Variants in ACTR2 observed in about 807,000 individuals in gnomAD.
The protein encoded by ACTR2 is actin-related protein 2.
Under a neutral mutation model 50.2 loss-of-function variants are expected in ACTR2, and 5 were observed. The observed-to-expected ratio is 0.10, with a 90% CI of 0.05 to 0.21. The LOEUF is 0.21. Among genes scored for constraint, ACTR2 ranks in the 10% least tolerant of loss-of-function variants. The probability of loss-of-function intolerance (pLI) is 1.00; values close to 1 mark genes in which losing one functional copy is unlikely to be tolerated. For synonymous variants in ACTR2, 140 were observed against 162.9 expected (o/e 0.86, Z 1.07); for missense variants, 180 against 480.6 (o/e 0.37, Z 5.85).
At chr2:65,257,288 T>G (rs115375526) in intron 6 of ACTR2, among the ~76,000 whole-genome samples, 40,244 of 152,148 alleles carry the variant, frequency 0.26, 5,555 homozygotes, top group Middle Eastern at 0.34. Context: ...CATTCATTTT[T>G]TTATGGCTGC....
intron 6 of ACTR2, among the ~76,000 whole-genome samples, chr2:65,260,892 G>A (rs553218929): frequency 3.3e-5 from 5 of 151,824 alleles, no homozygotes; most frequent in African/African-American, 7.3e-5. Context: ...CACCACACCC[G>A]GCTAATTTTT....
chr2:65,266,403 AGGTT>A (rs1432984936), intron 8 of ACTR2, among the ~76,000 whole-genome samples: 1 of 152,046 alleles, frequency 6.6e-6, no homozygotes, highest in Non-Finnish European at 1.5e-5. Flanking sequence ...CAAAAGCCCC[AGGTT>A]GGTGGGAGTG....
At chr2:65,262,799 T>C (rs1202151511) in intron 7 of ACTR2, among the ~76,000 whole-genome samples, 1 of 151,604 alleles carries the variant, frequency 6.6e-6, no homozygotes, top group Non-Finnish European at 1.5e-5. Context: ...TTTACATAAA[T>C]TTTTTTCAAA....
At chr2:65,253,507 T>G (rs1353255006) in intron 4 of ACTR2, among the ~76,000 whole-genome samples, 1 of 151,038 alleles carries the variant, frequency 6.6e-6, no homozygotes, top group East Asian at 2.0e-4. Context: ...CTGTTTCTTC[T>G]CATCTCCTTG....
At chr2:65,250,023 G>A (rs1306714789) in intron 3 of ACTR2, among the ~76,000 whole-genome samples, 1 of 151,932 alleles carries the variant, frequency 6.6e-6, no homozygotes, top group East Asian at 1.9e-4. Context: ...TTGAGGGAGG[G>A]GGTACGAGGC....
At chr2:65,238,304 G>A (rs371996979) in intron 1 of ACTR2, among the ~76,000 whole-genome samples, 4 of 152,156 alleles carry the variant, frequency 2.6e-5, no homozygotes, top group South Asian at 2.1e-4. Context: ...TGTTCTCGGA[G>A]CAGTACACAG....
At chr2:65,229,576 T>C (rs1054715326) in intron 1 of ACTR2, among the ~76,000 whole-genome samples, 1 of 151,726 alleles carries the variant, frequency 6.6e-6, no homozygotes, top group Non-Finnish European at 1.5e-5. Flanking sequence ...GCCAACATAG[T>C]GAAACCCCGT....
At chr2:65,240,015 TA>T in intron 2 of ACTR2, 53 bp downstream of exon 2, 1 of 1,248,128 alleles carries the variant, frequency 8.0e-7, no homozygotes, top group Non-Finnish European at 1.2e-6. Flanking sequence ...GGTGTTCTTA[TA>T]AAAGTAGTTT....
intron 1 of ACTR2, among the ~76,000 whole-genome samples, chr2:65,229,328 T>C (rs980957965): frequency 1.3e-5 from 2 of 152,158 alleles, no homozygotes; most frequent in Non-Finnish European, 2.9e-5. Flanking sequence ...ATCTGAATTG[T>C]TGAGGGGGAA....
At chr2:65,233,488 C>T (rs6736553) in intron 1 of ACTR2, among the ~76,000 whole-genome samples, 54,900 of 151,334 alleles carry the variant, frequency 0.36, 11,881 homozygotes, top group African/African-American at 0.6. Flanking sequence ...CCCCTGTCTC[C>T]ACAAAAAATA....
intron 3 of ACTR2, among the ~76,000 whole-genome samples, chr2:65,247,906 G>GT (rs1558624011): frequency 1.3e-5 from 2 of 152,170 alleles, no homozygotes; most frequent in Admixed American, 6.5e-5. Flanking sequence ...AGAAGGTGAT[G>GT]TTTAAACAGA....
intron 8 of ACTR2, 176 bp downstream of exon 8, chr2:65,265,351 A>G (rs1281150449): frequency 1.3e-6 from 1 of 765,548 alleles, no homozygotes; most frequent in Non-Finnish European, 2.1e-6. Flanking sequence ...AGCTCTGGTC[A>G]CCTCTATAGA....
intron 5 of ACTR2, among the ~76,000 whole-genome samples, chr2:65,254,939 AT>A (rs901644421): frequency 2.1e-3 from 308 of 150,168 alleles, no homozygotes; most frequent in African/African-American, 6.9e-3. Flanking sequence ...ATATTAGAGG[AT>A]TTTTTTTTTA....
chr2:65,237,332 C>G (rs1368693452), intron 1 of ACTR2, among the ~76,000 whole-genome samples: 1 of 152,104 alleles, frequency 6.6e-6, no homozygotes, highest in African/African-American at 2.4e-5. Context: ...CTCCCAGGCT[C>G]AAGTGATCCT....
intron 1 of ACTR2, among the ~76,000 whole-genome samples, chr2:65,232,393 A>G (rs1671656249): frequency 6.6e-6 from 1 of 152,220 alleles, no homozygotes; most frequent in Admixed American, 6.5e-5. Context: ...TTTGTAGTTG[A>G]TTGTGGCCTG....
rs1672482913 is a variant in ACTR2, at chr2:65,270,939, C to T, written c.*2205C>T. ...TTCTGTTTTAAAAAGCAATCTGATT[C>T]TTAGCTCTTGAAACTATTGCTACTT... On this transcript the variant is annotated 3_prime_UTR_variant, in exon 9 of 9. Transcript: ENST00000260641. 1 of 151,542 alleles carries T rather than the reference C, an allele frequency of 6.6e-6. No individual in the cohort carries two copies. Among genetic ancestry groups the T allele is most frequent in the African/African-American group, 2.4e-5 (1 of 41,300 alleles). 9.4% of individuals were successfully genotyped at this position (151,542 alleles called of 1,614,324 possible). A position where few individuals can be genotyped will look rare whatever the true frequency, so the allele number is the denominator to read the frequency against.
chr2:65,253,464 A>T (rs268872), intron 4 of ACTR2, among the ~76,000 whole-genome samples: 20,060 of 151,986 alleles, frequency 0.13, 1,846 homozygotes, highest in Non-Finnish European at 0.2. Context: ...AAAGGAAAAA[A>T]AAGTCCTGTT....
At chr2:65,253,151 C>T (rs11683111) in intron 4 of ACTR2, among the ~76,000 whole-genome samples, 49,020 of 151,862 alleles carry the variant, frequency 0.32, 8,523 homozygotes, top group East Asian at 0.68. Flanking sequence ...GCTTTAAGAA[C>T]GTGTTCTGCT....
intron 1 of ACTR2, among the ~76,000 whole-genome samples, chr2:65,230,578 A>AT (rs1028062251): frequency 6.6e-6 from 1 of 151,328 alleles, no homozygotes; most frequent in Non-Finnish European, 1.5e-5. Flanking sequence ...CACCCAGTTA[A>AT]TTTTTTTATT....
Sources: gnomAD v4.1 joint callset for allele counts (sites outside exome capture counted in the v4.1 genomes callset) on GRCh38, gnomAD v4.1.1 for gene constraint, MANE v1.5 for transcripts, NCBI Gene and HGNC (gene_info 2026-07-23, HGNC 2026-07-21) for gene names.